The following CFAP299 variants were observed in gnomAD, a reference collection of about 807,000 sequenced individuals.
CFAP299 encodes the protein cilia and flagella associated protein 299, also known as cilia- and flagella-associated protein 299.
In CFAP299, 21 loss-of-function variants were observed where a neutral mutation model predicts 27.0. The observed-to-expected ratio is 0.78, with a 90% CI of 0.55 to 1.12. The LOEUF (loss-of-function observed/expected upper bound fraction) is 1.12, where lower values mean the gene tolerates loss of function less well. CFAP299 is among the 50% of genes most tolerant of loss of function. CFAP299 has a pLI of 0.00. For synonymous variants in CFAP299, 104 were observed against 98.1 expected (o/e 1.06, Z -0.36); for missense variants, 310 against 276.6 (o/e 1.12, Z -0.86).
At chr4:80,950,045 C>G (rs993022830) in intron 5 of CFAP299, among the ~76,000 whole-genome samples, 1 of 152,068 alleles carries the variant, frequency 6.6e-6, no homozygotes, top group East Asian at 1.9e-4. Flanking sequence ...TTGCAACTAC[C>G]AGATCATTCA....
At chr4:80,893,140 CA>C (rs1734429514) in intron 4 of CFAP299, among the ~76,000 whole-genome samples, 2 of 151,014 alleles carry the variant, frequency 1.3e-5, no homozygotes, top group Non-Finnish European at 3.0e-5. Flanking sequence ...ATAGTAGCAT[CA>C]AAAATAAAAT....
chr4:80,889,833 T>G (rs1269747266), intron 4 of CFAP299, among the ~76,000 whole-genome samples: 2 of 152,062 alleles, frequency 1.3e-5, no homozygotes, highest in Non-Finnish European at 2.9e-5. Context: ...TGCAAATCAG[T>G]CAGTGTAATA....
At chr4:80,573,839 C>T (rs951482856) in intron 2 of CFAP299, among the ~76,000 whole-genome samples, 1 of 152,040 alleles carries the variant, frequency 6.6e-6, no homozygotes, top group Non-Finnish European at 1.5e-5. Flanking sequence ...TATGCCAGTA[C>T]CATGCTGTTT....
At chr4:80,457,853 G>T (rs534767298) in intron 2 of CFAP299, among the ~76,000 whole-genome samples, 2 of 151,980 alleles carry the variant, frequency 1.3e-5, no homozygotes, top group Non-Finnish European at 2.9e-5. Context: ...ATGTTTTGCC[G>T]GGCTTGTAGC....
At chr4:80,327,701 T>TATAC in the CFAP299 span, among the ~76,000 whole-genome samples, 803 of 61,180 alleles carry the variant, frequency 0.013, 37 homozygotes, top group African/African-American at 0.044. Context: ...TATATATATA[T>TATAC]ATATATATAT....
chr4:80,893,129 T>C (rs1378704021), intron 4 of CFAP299, among the ~76,000 whole-genome samples: 2 of 151,704 alleles, frequency 1.3e-5, no homozygotes, highest in Admixed American at 1.3e-4. Flanking sequence ...AAGCCCAATT[T>C]ATAGTAGCAT....
intron 3 of CFAP299, among the ~76,000 whole-genome samples, chr4:80,771,368 T>C (rs1364014451): frequency 6.6e-6 from 1 of 152,180 alleles, no homozygotes; most frequent in Non-Finnish European, 1.5e-5. Flanking sequence ...AATATAGATA[T>C]TTGGTACAGA....
chr4:80,895,620 C>A (rs1734575993), intron 4 of CFAP299, among the ~76,000 whole-genome samples: 1 of 151,878 alleles, frequency 6.6e-6, no homozygotes, highest in Admixed American at 6.6e-5. Flanking sequence ...TATTCAAATT[C>A]CTCTGACTAC....
In CFAP299 at chr4:80,603,852, T is replaced by C. The variant is rs575035946; in HGVS notation, c.333+20669T>C. 7.9e-5 allele frequency among the ~76,000 whole-genome samples: 12 copies of C among 152,294 alleles called. No individual in the cohort carries two copies. In the South Asian group the frequency reaches 2.5e-3, roughly 32 times the overall value. On this transcript the variant is annotated intron_variant, in intron 3 of 5. Transcript: ENST00000358105. ...ACTCTATCTCTCTTGGTATCTCCAT[T>C]TAGGAAAGCAGGAAAAACAATCTCT...
At chr4:80,472,572 A>G (rs1040384988) in intron 2 of CFAP299, among the ~76,000 whole-genome samples, 4 of 152,144 alleles carry the variant, frequency 2.6e-5, no homozygotes, top group African/African-American at 9.7e-5. Flanking sequence ...GTTTGTGAGG[A>G]CCAAGAAGAG....
intron 3 of CFAP299, among the ~76,000 whole-genome samples, chr4:80,605,199 G>A (rs185008028): frequency 6.6e-6 from 1 of 152,252 alleles, no homozygotes; most frequent in East Asian, 1.9e-4. Context: ...ATATTTTAGA[G>A]AGTGAGAGGT....
At chr4:80,863,584 C>G (rs1018538643) in intron 3 of CFAP299, among the ~76,000 whole-genome samples, 28 of 152,106 alleles carry the variant, frequency 1.8e-4, no homozygotes, top group African/African-American at 6.8e-4. Context: ...ATATCAGAAG[C>G]AATGTGTCTT....
chr4:80,530,600 T>G (rs1404443607), intron 2 of CFAP299, among the ~76,000 whole-genome samples: 2 of 152,156 alleles, frequency 1.3e-5, no homozygotes. Flanking sequence ...AAGTCTTTGC[T>G]TTTGTGGAGG....
rs542411192 is a variant in CFAP299, at chr4:80,822,544, C to A, written c.334-47449C>A. Among the ~76,000 whole-genome samples the A allele has an allele frequency of 1.6e-3, 238 of 152,172 alleles. 2 individuals are homozygous for A. The highest frequency in any genetic ancestry group is 6.8e-3 in the Middle Eastern group (2 of 292). The stretch of plus-strand genomic sequence containing the variant: ...TCAATGTTTTTCACTAATGTTTATT[C>A]ATCATAGGAGAAATAAAGAAAAGCT... On this transcript the variant is annotated intron_variant, in intron 3 of 5. Coordinates refer to ENST00000358105, the MANE Select transcript of CFAP299 (RefSeq NM_152770.3).
chr4:80,493,501 A>G (rs886114199), intron 2 of CFAP299, among the ~76,000 whole-genome samples: 1 of 152,162 alleles, frequency 6.6e-6, no homozygotes, highest in African/African-American at 2.4e-5. Context: ...GTTAGGGTGG[A>G]GCAGGTGATC....
At chr4:80,336,159 C>T (rs1722130026) in intron 1 of CFAP299, among the ~76,000 whole-genome samples, 1 of 152,224 alleles carries the variant, frequency 6.6e-6, no homozygotes, top group South Asian at 2.1e-4. Context: ...GCTTCTTGGC[C>T]TCCCCTGCCT....
chr4:80,386,511 G>T, intron 2 of CFAP299: 4 of 1,411,908 alleles, frequency 2.8e-6, no homozygotes, highest in Admixed American at 2.5e-5. Context: ...GCGGGCGGTG[G>T]TGGGGGGGGG....
At chr4:80,356,323 C>A (rs940285366) in intron 1 of CFAP299, among the ~76,000 whole-genome samples, 7 of 152,060 alleles carry the variant, frequency 4.6e-5, no homozygotes, top group African/African-American at 1.7e-4. Context: ...ATGAGCCCTT[C>A]TTTTAGTTCC....
chr4:80,767,604 G>T lies in CFAP299; in HGVS notation c.334-102389G>T, dbSNP rs150248355. 5.1e-3 allele frequency among the ~76,000 whole-genome samples: 769 copies of T among 152,134 alleles called. 4 individuals carry two copies. Among genetic ancestry groups the T allele is most frequent in the Middle Eastern group, 0.02 (6 of 294 alleles). The stretch of plus-strand genomic sequence containing the variant: ...AGCGTCGGCAACAGAGCGAGACTCC[G>T]TCTCAAAAAAATTAAAAAAATAAAA... On this transcript the variant is annotated intron_variant, in intron 3 of 5. Transcript: ENST00000358105.
Sources: allele counts gnomAD v4.1 joint callset (sites outside exome capture counted in the v4.1 genomes callset), GRCh38; gene constraint gnomAD v4.1.1; transcripts MANE v1.5; gene names NCBI Gene and HGNC (gene_info 2026-07-23, HGNC 2026-07-21).